Variants in ADAMTS17 observed in about 807,000 individuals in gnomAD.
The protein encoded by ADAMTS17 is ADAM metallopeptidase with thrombospondin type 1 motif 17, also known as A disintegrin and metalloproteinase with thrombospondin motifs 17.
ADAMTS17 carries 113 observed loss-of-function variants against 141.5 expected under a neutral mutation model. The observed-to-expected ratio is 0.80, with a 90% confidence interval of 0.69 to 0.93. The LOEUF (loss-of-function observed/expected upper bound fraction) is 0.93, where lower values mean the gene tolerates loss of function less well. ADAMTS17 is among the 40% of genes least tolerant of loss of function. The pLI is 0.00. For synonymous variants in ADAMTS17, 768 were observed against 630.6 expected, an observed-to-expected ratio of 1.22 and a Z score of -3.27; for missense variants, 1,659 against 1,517.9, an observed-to-expected ratio of 1.09 and a Z score of -1.54.
At chr15:100,108,167 G>A (rs1378941487) in intron 14 of ADAMTS17, among the ~76,000 whole-genome samples, 1 of 151,222 alleles carries the variant, frequency 6.6e-6, no homozygotes, top group South Asian at 2.1e-4. Flanking sequence ...CCTTCTTCTC[G>A]CATTCCTTTT....
At position 100,042,655 on chromosome 15, in the gene ADAMTS17, A is replaced by G. The variant is rs1182528100; in HGVS notation, c.2591+6202T>C. Among the ~76,000 whole-genome samples the G allele has an allele frequency of 3.3e-5, 5 of 152,188 alleles. No homozygotes were observed. The East Asian group carries it at 9.6e-4, about 29-fold the overall frequency. ...TATTAAGTAAAACGCAAGAACTACG[A>G]CACCCTACAGTTGATCTAACTGAGA... On this transcript the variant is annotated intron_variant, in intron 18 of 21. Coordinates refer to ENST00000268070, the MANE Select transcript of ADAMTS17 (RefSeq NM_139057.4).
intron 7 of ADAMTS17, among the ~76,000 whole-genome samples, chr15:100,206,351 G>A (rs1212963560): frequency 6.6e-6 from 1 of 152,156 alleles, no homozygotes; most frequent in Non-Finnish European, 1.5e-5. Context: ...TGTAGACATG[G>A]GCATGCCCAG....
At chr15:100,002,183 G>C (rs1470215804) in intron 18 of ADAMTS17, among the ~76,000 whole-genome samples, 1 of 151,928 alleles carries the variant, frequency 6.6e-6, no homozygotes, top group Non-Finnish European at 1.5e-5. Context: ...ACTCCCACAA[G>C]ATCTCCTTTG....
At chr15:100,036,377 A>C (rs1222456468) in intron 18 of ADAMTS17, among the ~76,000 whole-genome samples, 1 of 152,218 alleles carries the variant, frequency 6.6e-6, no homozygotes, top group African/African-American at 2.4e-5. Context: ...AGCATGATAA[A>C]GGCAGCCACT....
intron 18 of ADAMTS17, among the ~76,000 whole-genome samples, chr15:100,021,475 C>G (rs953072201): frequency 2.0e-5 from 3 of 152,132 alleles, no homozygotes; most frequent in African/African-American, 7.2e-5. Flanking sequence ...TGCACTGCCT[C>G]CCCAAAAACA....
At chr15:100,084,202 G>C (rs1033029698) in intron 15 of ADAMTS17, among the ~76,000 whole-genome samples, 1 of 152,174 alleles carries the variant, frequency 6.6e-6, no homozygotes, top group Non-Finnish European at 1.5e-5. Context: ...TATATCCCGC[G>C]CATGGCTGGG....
intron 3 of ADAMTS17, among the ~76,000 whole-genome samples, chr15:100,325,101 G>A (rs1366917121): frequency 6.6e-6 from 1 of 152,160 alleles, no homozygotes; most frequent in Non-Finnish European, 1.5e-5. Context: ...CGGTTCGCTT[G>A]AACATGCCCT....
chr15:100,306,344 C>T, intron 3 of ADAMTS17: 1 of 389,610 alleles, frequency 2.6e-6, no homozygotes, highest in Non-Finnish European at 5.1e-6. Context: ...GGCAGCACAG[C>T]TCCTGCTGGG....
rs140826779 is a variant in ADAMTS17, at chr15:100,127,693, C to T, written c.1721+4314G>A. ...ACCTCCCGGGTACAAGCGATTCTCCCGCCTCAGCCTCCCAAGTAGCTGGGA... is the reference window on the plus strand; with the variant it reads ...ACCTCCCGGGTACAAGCGATTCTCCTGCCTCAGCCTCCCAAGTAGCTGGGA... On this transcript the variant is annotated intron_variant, in intron 12 of 21. Coordinates refer to ENST00000268070, the MANE Select transcript of ADAMTS17 (RefSeq NM_139057.4). Among the ~76,000 whole-genome samples, 216 of 152,248 alleles carry T rather than the reference C, an allele frequency of 1.4e-3. 2 individuals are homozygous for T. Among genetic ancestry groups the T allele is most frequent in the African/African-American group, 4.1e-3 (169 of 41,522 alleles).
chr15:100,192,978 C>A (rs1238489089), intron 8 of ADAMTS17, among the ~76,000 whole-genome samples: 5 of 152,220 alleles, frequency 3.3e-5, no homozygotes, highest in African/African-American at 9.7e-5. Context: ...CAAGCACGTG[C>A]CTAGTCAATG....
intron 18 of ADAMTS17, among the ~76,000 whole-genome samples, chr15:100,010,025 G>A (rs991072725): frequency 5.3e-5 from 8 of 152,258 alleles, no homozygotes; most frequent in South Asian, 4.1e-4. Context: ...TTTTTTTCCC[G>A]TGCTGTTCTC....
chr15:100,142,760 T>C (rs1178133234), intron 10 of ADAMTS17, among the ~76,000 whole-genome samples: 3 of 151,986 alleles, frequency 2.0e-5, no homozygotes, highest in Non-Finnish European at 2.9e-5. Flanking sequence ...AAAAGGCAAT[T>C]AACGAGAAAA....
chr15:100,003,376 G>A (rs1467966355), intron 18 of ADAMTS17, among the ~76,000 whole-genome samples: 1 of 152,042 alleles, frequency 6.6e-6, no homozygotes, highest in African/African-American at 2.4e-5. Flanking sequence ...GGGGCTGTGG[G>A]GGCCCAGGGA....
chr15:100,166,595 A>T (rs774686059), intron 8 of ADAMTS17, among the ~76,000 whole-genome samples: 7 of 152,198 alleles, frequency 4.6e-5, no homozygotes, highest in Non-Finnish European at 1.0e-4. Flanking sequence ...CCTTGCTGCT[A>T]CAGTGCAATA....
At chr15:100,038,438 T>C (rs2030949935) in intron 18 of ADAMTS17, among the ~76,000 whole-genome samples, 1 of 152,242 alleles carries the variant, frequency 6.6e-6, no homozygotes, top group South Asian at 2.1e-4. Flanking sequence ...TTGCACTAAA[T>C]CTATAGATCA....
At chr15:100,272,168 G>C (rs2043936794) in intron 4 of ADAMTS17, among the ~76,000 whole-genome samples, 1 of 152,136 alleles carries the variant, frequency 6.6e-6, no homozygotes, top group Admixed American at 6.5e-5. Context: ...TTTTGTTCAA[G>C]ATGGTTTTGG....
At chr15:100,148,981 G>GT (rs1457194210) in intron 10 of ADAMTS17, among the ~76,000 whole-genome samples, 1 of 152,232 alleles carries the variant, frequency 6.6e-6, no homozygotes, top group Non-Finnish European at 1.5e-5. Context: ...CTGGAATAGA[G>GT]TAAGTGCAGG....
At chr15:99,996,035 A>G (rs758451957) in intron 19 of ADAMTS17, among the ~76,000 whole-genome samples, 24 of 151,576 alleles carry the variant, frequency 1.6e-4, no homozygotes, top group Non-Finnish European at 3.1e-4. Context: ...GTTTTCCCCC[A>G]TAAAAAGAGT....
chr15:100,170,141 C>CG (rs1168755598), intron 8 of ADAMTS17, among the ~76,000 whole-genome samples: 5 of 151,802 alleles, frequency 3.3e-5, no homozygotes, highest in African/African-American at 9.7e-5. Flanking sequence ...GGAACGATGG[C>CG]GGGGGGCATG....
Sources: gnomAD v4.1 joint callset for allele counts (sites outside exome capture counted in the v4.1 genomes callset) on GRCh38, gnomAD v4.1.1 for gene constraint, MANE v1.5 for transcripts, NCBI Gene and HGNC (gene_info 2026-07-23, HGNC 2026-07-21) for gene names.